Variants in ABCA13 observed in about 807,000 individuals in gnomAD.
The protein encoded by ABCA13 is ATP-binding cassette sub-family A member 13.
In ABCA13, 476 loss-of-function variants were observed where a neutral mutation model predicts 478.7. The ratio of observed to expected loss-of-function variants is 0.99; its 90% CI spans 0.92 to 1.07. The LOEUF (loss-of-function observed/expected upper bound fraction) is 1.07, where lower values mean the gene tolerates loss of function less well. Ranked by LOEUF, ABCA13 falls within the 50% of genes least tolerant of loss-of-function variation. The probability of loss-of-function intolerance (pLI) is 0.00; values close to 1 mark genes in which losing one functional copy is unlikely to be tolerated. For synonymous variants in ABCA13, 2,252 were observed against 2,158.9 expected (o/e 1.04, Z -1.20); for missense variants, 6,060 against 5,910.6 (o/e 1.03, Z -0.83).
chr7:48,484,412 A>C (rs1042009549), intron 47 of ABCA13, among the ~76,000 whole-genome samples: 3 of 152,238 alleles, frequency 2.0e-5, no homozygotes, highest in Non-Finnish European at 4.4e-5. Context: ...TAGAAAAATA[A>C]AATGTATTTG....
At chr7:48,539,292 G>A (rs1299276281) in intron 55 of ABCA13, among the ~76,000 whole-genome samples, 11 of 151,578 alleles carry the variant, frequency 7.3e-5, no homozygotes, top group Admixed American at 7.2e-4. Flanking sequence ...CTAAAAAATA[G>A]GCACATAATA....
rs1554513958 is a variant in ABCA13 at position 48,438,899 on chromosome 7, T to TTTTTTTA, written c.12565+11028_12565+11029insTTTTTTA. On this transcript the variant is annotated intron_variant, in intron 42 of 61. Coordinates refer to ENST00000435803, the MANE Select transcript of ABCA13 (RefSeq NM_152701.5). ...TTTTGCTAAGGTTTTTTTTTTTTTT[T>TTTTTTTA]AAAAAACTAATGATCTAACCAAGGA... 3.3e-3 allele frequency among the ~76,000 whole-genome samples: 500 copies of TTTTTTTA among 150,558 alleles called. 5 individuals carry two copies. The highest frequency in any genetic ancestry group is 0.01 in the Middle Eastern group (3 of 294).
At chr7:48,613,934 A>T (rs1457098084) in intron 58 of ABCA13, among the ~76,000 whole-genome samples, 2 of 148,348 alleles carry the variant, frequency 1.3e-5, no homozygotes, top group African/African-American at 4.9e-5. Context: ...AATTTAAATT[A>T]TAATTACACA....
rs1433243554 is a variant in ABCA13, at chr7:48,545,244, C to A, written c.14354+16899C>A. Among the ~76,000 whole-genome samples the A allele has an allele frequency of 2.0e-5, 3 of 151,780 alleles. No homozygotes were observed. In the South Asian group the frequency reaches 6.2e-4, roughly 31 times the overall value. On this transcript the variant is annotated intron_variant, in intron 55 of 61. Transcript: ENST00000435803. The stretch of plus-strand genomic sequence containing the variant: ...GCTAGGATCGTTGAAAGGCTGCATC[C>A]TTACTGAAGGGGTAGGATCTAGAAA...
chr7:48,540,687 C>T (rs1180390194), intron 55 of ABCA13, among the ~76,000 whole-genome samples: 8 of 151,982 alleles, frequency 5.3e-5, no homozygotes, highest in Non-Finnish European at 1.5e-5. Context: ...TTATCTAAAA[C>T]AGGGCTCTTT....
At chr7:48,410,093 CAAA>C (rs58724216) in intron 39 of ABCA13, among the ~76,000 whole-genome samples, 3 of 67,194 alleles carry the variant, frequency 4.5e-5, no homozygotes, top group African/African-American at 1.7e-4. Flanking sequence ...GACTCCATCT[CAAA>C]AAAAAAAAAA....
At chr7:48,206,215 A>G (rs185687297) in intron 3 of ABCA13, among the ~76,000 whole-genome samples, 18 of 152,348 alleles carry the variant, frequency 1.2e-4, no homozygotes, top group Admixed American at 9.8e-4. Flanking sequence ...CCACTTGACA[A>G]TATTTTAGTC....
chr7:48,535,611 T>C (rs1351341549), intron 55 of ABCA13, among the ~76,000 whole-genome samples: 1 of 151,874 alleles, frequency 6.6e-6, no homozygotes, highest in Admixed American at 6.6e-5. Context: ...CCAGGGCAGG[T>C]AGAGAAGGAC....
At chr7:48,437,030 C>T (rs28796433) in intron 42 of ABCA13, among the ~76,000 whole-genome samples, 45,187 of 151,668 alleles carry the variant, frequency 0.3, 6,812 homozygotes, top group East Asian at 0.38. Context: ...ATGTCATTTA[C>T]GTACAATAGT....
intron 58 of ABCA13, among the ~76,000 whole-genome samples, chr7:48,614,779 G>A (rs1264262688): frequency 2.7e-5 from 4 of 148,522 alleles, no homozygotes; most frequent in Admixed American, 6.9e-5. Context: ...GTAAACTATC[G>A]CAAGAACAAA....
At chr7:48,349,732 C>A (rs1403876093) in intron 29 of ABCA13, among the ~76,000 whole-genome samples, 1 of 152,266 alleles carries the variant, frequency 6.6e-6, no homozygotes, top group South Asian at 2.1e-4. Context: ...GGGACAAATG[C>A]CCACAGGATG....
chr7:48,335,345 A>C, intron 27 of ABCA13, 77 bp from the exon 28 acceptor site: 1 of 1,097,414 alleles, frequency 9.1e-7, no homozygotes, highest in Non-Finnish European at 1.3e-6. Context: ...GCCACATCAT[A>C]TACAGTCCTT....
Position 48,352,365 on chromosome 7 carries a change from C to T in ABCA13, c.10566C>T (p.Tyr3522=), listed in dbSNP as rs768132031. The change falls in exon 31 of 62, where the codon TAC becomes TAT. Residue 3522 remains tyrosine (Y), a synonymous_variant. Coordinates refer to ENST00000435803, the MANE Select transcript of ABCA13 (RefSeq NM_152701.5). ...NLPADGFKYN[Y]VFAPLQDMIE... ...CAGCTGATGGGTTCAAATATAACTA[C>T]GTCTTTGCCCCACTGCAAGACATGA... The T allele has an allele frequency of 6.8e-6, 11 of 1,613,632 alleles. No individual in the cohort carries two copies. The highest frequency in any genetic ancestry group is 4.4e-5 in the South Asian group (4 of 91,072).
chr7:48,195,455 T>A (rs1484527879), intron 2 of ABCA13, among the ~76,000 whole-genome samples: 2 of 152,016 alleles, frequency 1.3e-5, no homozygotes, highest in African/African-American at 4.8e-5. Context: ...TCAACAGACA[T>A]GAAGGAGGTA....
At chr7:48,541,682 G>C (rs1168454315) in intron 55 of ABCA13, among the ~76,000 whole-genome samples, 1 of 149,942 alleles carries the variant, frequency 6.7e-6, no homozygotes, top group Non-Finnish European at 1.5e-5. Context: ...CAATGAGACA[G>C]AACATAAAAT....
intron 32 of ABCA13, among the ~76,000 whole-genome samples, chr7:48,368,363 A>G (rs1812026831): frequency 6.6e-6 from 1 of 151,900 alleles, no homozygotes. Context: ...TGGTTACATG[A>G]ATAAGTTCTT....
chr7:48,244,656 A>G lies in ABCA13; in HGVS notation c.1343A>G (p.Asp448Gly). ...GCACTGAAGAGATTTCTTCAGCTTG[A>G]TGGAGCTCTCAGAAATGCGATAGCT... ...WPALKRFLQL[D>G]GALRNAIAQN... The change falls in exon 11 of 62, where the codon GAT becomes GGT. Residue 448 changes from aspartate (D) to glycine (G), a missense_variant. Physicochemically the swap from Asp to Gly is moderately conservative, Grantham distance 94 (BLOSUM62 -1). Around this residue, in one of 3 missense-constraint regions of ABCA13, gnomAD observed 4,423 missense variants for 4,309.1 expected, o/e 1.03. Coordinates refer to ENST00000435803, the MANE Select transcript of ABCA13 (RefSeq NM_152701.5). 2 of 1,611,904 alleles carry G rather than the reference A, an allele frequency of 1.2e-6. No individual in the cohort carries two copies. Among genetic ancestry groups the G allele is most frequent in the South Asian group, 2.2e-5 (2 of 90,738 alleles).
intron 58 of ABCA13, among the ~76,000 whole-genome samples, chr7:48,597,241 T>C (rs915846919): frequency 3.3e-5 from 5 of 152,170 alleles, no homozygotes; most frequent in African/African-American, 4.8e-5. Flanking sequence ...TGAGCCACCA[T>C]GCCCGGCCTA....
intron 55 of ABCA13, among the ~76,000 whole-genome samples, chr7:48,551,546 T>G (rs541427983): frequency 1.4e-4 from 22 of 151,972 alleles, no homozygotes; most frequent in Admixed American, 1.2e-3. Flanking sequence ...TTCTTTGATT[T>G]TAGATTTAGA....
Sources: gnomAD v4.1 joint callset for allele counts (sites outside exome capture counted in the v4.1 genomes callset) on GRCh38, gnomAD v4.1.1 for gene constraint, gnomAD v4.1.1 regional missense constraint, MANE v1.5 for transcripts, NCBI Gene and HGNC (gene_info 2026-07-23, HGNC 2026-07-21) for gene names.